Variants in USP25 observed in about 807,000 individuals in gnomAD.
USP25 encodes ubiquitin specific peptidase 25.
USP25 carries 85 observed loss-of-function variants against 158.5 expected under a neutral mutation model. The observed-to-expected ratio is 0.54, with a 90% CI of 0.45 to 0.64. The LOEUF (loss-of-function observed/expected upper bound fraction) is 0.64, where lower values mean the gene tolerates loss of function less well. Among genes scored for constraint, USP25 ranks in the 30% least tolerant of loss-of-function variants. The pLI, the probability that USP25 is intolerant of heterozygous loss-of-function variation, is 0.00. For missense variants in USP25, 1,242 were observed against 1,327.3 expected (o/e 0.94, Z 1.00); for synonymous variants, 464 against 460.4 (o/e 1.01, Z -0.10).
At position 15,842,584 on chromosome 21, in the gene USP25, G is replaced by A. The variant is rs760026799; in HGVS notation, c.2337+44G>A. On this transcript the variant is annotated intron_variant, in intron 18 of 25. Transcript: ENST00000400183. ...GCTCTCTGAACATAGCCATGGTCAC[G>A]ACATTTCCTCCAGTATAGTGGAGAG... The A allele has an allele frequency of 6.2e-6, 10 of 1,603,510 alleles. No homozygotes were observed. The East Asian group carries it at 1.1e-4, about 18-fold the overall frequency.
At chr21:15,807,181 G>A (rs1485185508) in intron 7 of USP25, among the ~76,000 whole-genome samples, 2 of 152,140 alleles carry the variant, frequency 1.3e-5, no homozygotes, top group East Asian at 3.9e-4. Context: ...TCCTGGTTTG[G>A]CCTCCCAAAG....
intron 14 of USP25, among the ~76,000 whole-genome samples, chr21:15,829,496 C>G (rs2037692720): frequency 6.6e-6 from 1 of 152,170 alleles, no homozygotes; most frequent in African/African-American, 2.4e-5. Flanking sequence ...GCCCTGGACA[C>G]TTTTTAGTAG....
intron 22 of USP25, among the ~76,000 whole-genome samples, chr21:15,868,480 G>A (rs2039750224): frequency 6.6e-6 from 1 of 152,062 alleles, no homozygotes; most frequent in African/African-American, 2.4e-5. Flanking sequence ...CAACAGATTG[G>A]ACTCATTATG....
rs2038430487 is a variant in USP25 at position 15,843,362 on chromosome 21, T to C, written c.2337+822T>C. ...CGACATATCATAATTTTACAACACG[T>C]AATTTTCTGCTTAGTAAGTGAATTC... On this transcript the variant is annotated intron_variant, in intron 18 of 25. Coordinates refer to ENST00000400183, the MANE Select transcript of USP25 (RefSeq NM_001283041.3). This position sits in a 1 kb window ranked among gnomAD's most constrained non-coding sequence, Gnocchi z 4.0. Among the ~76,000 whole-genome samples, 1 of 152,192 alleles carries C rather than the reference T, an allele frequency of 6.6e-6. No individual in the cohort carries two copies.
At position 15,825,382 on chromosome 21, in the gene USP25, T is replaced by C. The variant is rs1051024994; in HGVS notation, c.1304+321T>C. Reference sequence around the variant, plus strand: ...CTCTTGAGATTTTCATTAAAATGAATGGTATCTGAGTTTTTCTCCTTAAAA... The same window carrying C: ...CTCTTGAGATTTTCATTAAAATGAACGGTATCTGAGTTTTTCTCCTTAAAA... On this transcript the variant is annotated intron_variant, in intron 12 of 25. Transcript: ENST00000400183. Among the ~76,000 whole-genome samples, 46 of 152,208 alleles carry C rather than the reference T, an allele frequency of 3.0e-4. 1 individual carries two copies. Among genetic ancestry groups the C allele is most frequent in the Admixed American group, 3.0e-3 (46 of 15,276 alleles).
chr21:15,732,182 T>C (rs1240034557), intron 1 of USP25, among the ~76,000 whole-genome samples: 1 of 151,958 alleles, frequency 6.6e-6, no homozygotes, highest in African/African-American at 2.4e-5. Flanking sequence ...ACAAAGGGAG[T>C]AGTAGTTAAT....
chr21:15,761,578 AG>A (rs1235046580), intron 1 of USP25, among the ~76,000 whole-genome samples: 5 of 152,206 alleles, frequency 3.3e-5, no homozygotes, highest in African/African-American at 1.2e-4. Flanking sequence ...CCAACTGGTA[AG>A]GGAAAAACGC....
At position 15,757,999 on chromosome 21, in the gene USP25, T is replaced by C. The variant is rs148224563; in HGVS notation, c.46-4892T>C. On this transcript the variant is annotated intron_variant, in intron 1 of 25. Transcript: ENST00000400183. ...TTGTAAGGAAAACTTCTGTATAGAT[T>C]ATATATTTTTCACTTAAATAGTTGT... is the stretch of plus-strand genomic sequence containing the variant. Among the ~76,000 whole-genome samples, 1,103 of 152,326 alleles carry C rather than the reference T, an allele frequency of 7.2e-3. 18 individuals carry two copies. The highest frequency in any genetic ancestry group is 0.025 in the African/African-American group (1,051 of 41,564).
rs1416176130 is a variant in USP25, at chr21:15,830,385, A to G, written c.1694-146A>G. 7.9e-5 allele frequency: 44 copies of G among 556,648 alleles called. No homozygotes were observed. In the East Asian group the frequency reaches 1.4e-3, roughly 17 times the overall value. 34.5% of individuals were successfully genotyped at this position (556,648 alleles called of 1,614,324 possible). A position where few individuals can be genotyped will look rare whatever the true frequency, so the allele number is the denominator to read the frequency against. On this transcript the variant is annotated intron_variant, in intron 14 of 25. Coordinates refer to ENST00000400183, the MANE Select transcript of USP25 (RefSeq NM_001283041.3). ...AGAATAACTATAATTCATTTTCTAC[A>G]GATTTCAAATGGTAATGTTTTTTAA... is the stretch of plus-strand genomic sequence containing the variant.
At chr21:15,753,351 T>C (rs1265626843) in intron 1 of USP25, among the ~76,000 whole-genome samples, 1 of 152,110 alleles carries the variant, frequency 6.6e-6, no homozygotes, top group East Asian at 1.9e-4. Context: ...CTCACAGGGT[T>C]TGGGAAAAAA....
Position 15,879,287 on chromosome 21 carries a change from AG to A in USP25, c.*815del, listed in dbSNP as rs1320021362. On this transcript the variant is annotated 3_prime_UTR_variant, in exon 26 of 26. Transcript: ENST00000400183. ...AAGAGAATCCCAAAGTACTTGAATA[AG>A]GGCTATTGTAAAATTTAAAAGAAAT... is the stretch of plus-strand genomic sequence containing the variant. 2 of 152,648 alleles carry A rather than the reference AG, an allele frequency of 1.3e-5. No homozygotes were observed. The highest frequency in any genetic ancestry group is 3.8e-4 in the East Asian group (2 of 5,196). The allele number at this position is 152,648 out of a possible 1,614,324, so 9.5% of individuals were successfully genotyped here. A position where few individuals can be genotyped will look rare whatever the true frequency, so the allele number is the denominator to read the frequency against.
At chr21:15,810,170 AC>A (rs1398358179) in intron 8 of USP25, among the ~76,000 whole-genome samples, 3 of 152,144 alleles carry the variant, frequency 2.0e-5, no homozygotes, top group Non-Finnish European at 4.4e-5. Flanking sequence ...AGTGTATCTT[AC>A]CATGCACCTG....
intron 12 of USP25, among the ~76,000 whole-genome samples, chr21:15,825,666 A>T (rs889827480): frequency 1.3e-5 from 2 of 152,200 alleles, no homozygotes; most frequent in Admixed American, 1.3e-4. Flanking sequence ...CTAAAGGCTG[A>T]AATGTCACAA....
intron 1 of USP25, among the ~76,000 whole-genome samples, chr21:15,736,366 G>T (rs1001791495): frequency 6.6e-6 from 1 of 152,012 alleles, no homozygotes; most frequent in Non-Finnish European, 1.5e-5. Context: ...CCGAAGTACT[G>T]GGCAGTTTCT....
chr21:15,782,955 A>G (rs2035049540), intron 4 of USP25, among the ~76,000 whole-genome samples: 1 of 152,212 alleles, frequency 6.6e-6, no homozygotes, highest in Non-Finnish European at 1.5e-5. Context: ...CAAAATAATG[A>G]CATTAAAGAA....
chr21:15,796,170 T>C (rs2035853478), intron 5 of USP25, among the ~76,000 whole-genome samples: 1 of 151,592 alleles, frequency 6.6e-6, no homozygotes, highest in African/African-American at 2.4e-5. Flanking sequence ...TACCCTTTCT[T>C]ACCTCTTTTG....
chr21:15,827,074 T>C lies in USP25; in HGVS notation c.1564T>C (p.Phe522Leu). 8 of 1,614,146 alleles carry C rather than the reference T, an allele frequency of 5.0e-6. No homozygotes were observed. The highest frequency in any genetic ancestry group is 6.8e-6 in the Non-Finnish European group (8 of 1,180,034). The change falls in exon 14 of 26, where the codon TTT becomes CTT. Residue 522 changes from phenylalanine (F) to leucine (L), a missense_variant. Coordinates refer to ENST00000400183, the MANE Select transcript of USP25 (RefSeq NM_001283041.3). ...ATCGAGATCAGTAATACACAAACCA[T>C]TTACTCAGTCCCGGATACCTCCAGA... is the stretch of plus-strand genomic sequence containing the variant. ...ISSRSVIHKP[F>L]TQSRIPPDLP...
At chr21:15,777,325 T>C (rs2034714179) in intron 3 of USP25, among the ~76,000 whole-genome samples, 1 of 152,200 alleles carries the variant, frequency 6.6e-6, no homozygotes, top group African/African-American at 2.4e-5. Flanking sequence ...AAGATTCTTA[T>C]ACTTCTTCCT....
At chr21:15,768,651 T>A (rs2034174442) in intron 3 of USP25, among the ~76,000 whole-genome samples, 1 of 152,096 alleles carries the variant, frequency 6.6e-6, no homozygotes, top group Admixed American at 6.6e-5. Flanking sequence ...ACCTAACTGC[T>A]GTAGGAATGT....
Sources: gnomAD v4.1 joint callset for allele counts (sites outside exome capture counted in the v4.1 genomes callset) on GRCh38, gnomAD v4.1.1 for gene constraint, Gnocchi (gnomAD v3.1) non-coding constraint, MANE v1.5 for transcripts, NCBI Gene and HGNC (gene_info 2026-07-23, HGNC 2026-07-21) for gene names.